Variants in FAM227B observed in about 807,000 individuals in gnomAD.
The protein encoded by FAM227B is family with sequence similarity 227 member B, also known as protein FAM227B.
A neutral mutation model predicts 73.8 loss-of-function variants in FAM227B; 88 were observed. That is an observed-to-expected ratio of 1.19 (90% CI 1.00 to 1.42). FAM227B has a LOEUF of 1.42. Ranked by LOEUF, FAM227B falls within the 40% of genes most tolerant of loss-of-function variation. The pLI is 0.00. For missense variants in FAM227B, 632 were observed against 590.9 expected, an observed-to-expected ratio of 1.07 and a Z score of -0.72; for synonymous variants, 210 against 190.5, an observed-to-expected ratio of 1.10 and a Z score of -0.84.
chr15:49,433,244 A>C (rs1266763071), intron 11 of FAM227B, among the ~76,000 whole-genome samples: 3 of 151,750 alleles, frequency 2.0e-5, no homozygotes, highest in African/African-American at 7.2e-5. Flanking sequence ...TGTGTACAGC[A>C]CATCTGCCTT....
intron 11 of FAM227B, among the ~76,000 whole-genome samples, chr15:49,447,006 C>A (rs1205760660): frequency 1.3e-5 from 2 of 151,476 alleles, no homozygotes; most frequent in Non-Finnish European, 3.0e-5. Flanking sequence ...AGAACACTCA[C>A]TGGAATTTGG....
At chr15:49,431,721 G>A (rs1406540913) in intron 11 of FAM227B, among the ~76,000 whole-genome samples, 3 of 151,670 alleles carry the variant, frequency 2.0e-5, no homozygotes, top group African/African-American at 7.2e-5. Context: ...AAGAGCAAAA[G>A]AGAAAAGGAA....
chr15:49,418,494 A>G (rs2049370215), intron 11 of FAM227B, among the ~76,000 whole-genome samples: 1 of 152,170 alleles, frequency 6.6e-6, no homozygotes, highest in South Asian at 2.1e-4. Flanking sequence ...TGTCCTTTGC[A>G]GGAACGTGGA....
intron 9 of FAM227B, among the ~76,000 whole-genome samples, chr15:49,548,589 A>C (rs1160536148): frequency 6.6e-6 from 1 of 152,094 alleles, no homozygotes; most frequent in Non-Finnish European, 1.5e-5. Flanking sequence ...AAATAGTTTG[A>C]GTAGAATTGG....
intron 11 of FAM227B, among the ~76,000 whole-genome samples, chr15:49,385,942 GAA>G (rs1454138122): frequency 6.6e-6 from 1 of 151,806 alleles, no homozygotes; most frequent in East Asian, 1.9e-4. Flanking sequence ...AATTCAACAA[GAA>G]GAGATTACAA....
chr15:49,550,508 G>A (rs1216321483), intron 9 of FAM227B, among the ~76,000 whole-genome samples: 1 of 150,884 alleles, frequency 6.6e-6, no homozygotes, highest in Non-Finnish European at 1.5e-5. Context: ...CAGGCGGAGG[G>A]GCTCCTCACT....
chr15:49,613,753 C>T (rs987330605), intron 2 of FAM227B, among the ~76,000 whole-genome samples: 3 of 151,638 alleles, frequency 2.0e-5, no homozygotes, highest in Non-Finnish European at 2.9e-5. Flanking sequence ...TATATATATA[C>T]TTATGATGTA....
intron 10 of FAM227B, among the ~76,000 whole-genome samples, chr15:49,535,064 G>A (rs1344728112): frequency 6.6e-6 from 1 of 151,470 alleles, no homozygotes; most frequent in Non-Finnish European, 1.5e-5. Context: ...AAAGTTAGCA[G>A]AAGGAAGGAA....
chr15:49,372,865 A>G (rs981612), intron 11 of FAM227B, among the ~76,000 whole-genome samples: 63,946 of 151,892 alleles, frequency 0.42, 13,624 homozygotes, highest in African/African-American at 0.45. Flanking sequence ...GACATTAGAC[A>G]TTAGGAAATA....
intron 6 of FAM227B, 51 bp from the exon 7 acceptor site, chr15:49,576,896 A>G (rs947314899): frequency 9.8e-7 from 1 of 1,019,024 alleles, no homozygotes; most frequent in Non-Finnish European, 1.5e-6. Flanking sequence ...TCTTCTCACT[A>G]TAGTAGACTC....
rs192686905 is a variant in FAM227B, at chr15:49,498,996, C to T, written c.1012+9215G>A. ...CCCGGCTAAAACGGTGAAACCCCGT[C>T]TCTACTAAAAATACAAAAAATTAGC... On this transcript the variant is annotated intron_variant, in intron 11 of 15. Coordinates refer to ENST00000299338, the MANE Select transcript of FAM227B (RefSeq NM_152647.3). 5.7e-3 allele frequency among the ~76,000 whole-genome samples: 865 copies of T among 151,214 alleles called. 10 individuals carry two copies. The highest frequency in any genetic ancestry group is 0.02 in the African/African-American group (830 of 41,254).
intron 11 of FAM227B, among the ~76,000 whole-genome samples, chr15:49,450,023 G>C (rs1010839023): frequency 6.6e-6 from 1 of 152,058 alleles, no homozygotes; most frequent in Admixed American, 6.6e-5. Context: ...GGTTGCATGA[G>C]CCCGTAAGGA....
chr15:49,421,654 T>C (rs542712623), intron 11 of FAM227B, among the ~76,000 whole-genome samples: 1 of 152,344 alleles, frequency 6.6e-6, no homozygotes, highest in East Asian at 1.9e-4. Flanking sequence ...ATGGAACAAA[T>C]GGATTTAGTA....
At chr15:49,444,525 C>A (rs1264308511) in intron 11 of FAM227B, among the ~76,000 whole-genome samples, 1 of 151,584 alleles carries the variant, frequency 6.6e-6, no homozygotes, top group Non-Finnish European at 1.5e-5. Context: ...GATTGTAGTA[C>A]GTGGGTCTAA....
At position 49,508,583 on chromosome 15, in the gene FAM227B, G is replaced by A. The variant is rs182675507; in HGVS notation, c.875-235C>T. Among the ~76,000 whole-genome samples, 610 of 152,030 alleles carry A rather than the reference G, an allele frequency of 4.0e-3. 2 individuals carry two copies. Among genetic ancestry groups the A allele is most frequent in the Middle Eastern group, 6.8e-3 (2 of 294 alleles). ...ATTATTTTGAAATATATGTTACAGTGTTGGTAAATGGGAAAGTATGACACA... is the reference window on the plus strand; with the variant it reads ...ATTATTTTGAAATATATGTTACAGTATTGGTAAATGGGAAAGTATGACACA... On this transcript the variant is annotated intron_variant, in intron 10 of 15. Coordinates refer to ENST00000299338, the MANE Select transcript of FAM227B (RefSeq NM_152647.3).
At chr15:49,415,054 A>G (rs1275239049) in intron 11 of FAM227B, among the ~76,000 whole-genome samples, 2 of 152,090 alleles carry the variant, frequency 1.3e-5, no homozygotes, top group East Asian at 3.9e-4. Flanking sequence ...CTTCTTTACT[A>G]TCATAATTAC....
chr15:49,538,540 G>A (rs901258040), intron 10 of FAM227B, among the ~76,000 whole-genome samples: 12 of 152,296 alleles, frequency 7.9e-5, no homozygotes, highest in African/African-American at 2.6e-4. Context: ...GCTCCAGTGG[G>A]TCAAGGCTTC....
rs189317586 is a variant in FAM227B at position 49,595,552 on chromosome 15, C to T, written c.106-5545G>A. ...TCAGAAGGAATGTTTTAAACATTTCCCTGTTCAGTATAATGTTGGCTGTGG... is the reference window on the plus strand; with the variant it reads ...TCAGAAGGAATGTTTTAAACATTTCTCTGTTCAGTATAATGTTGGCTGTGG... On this transcript the variant is annotated intron_variant, in intron 3 of 15. Coordinates refer to ENST00000299338, the MANE Select transcript of FAM227B (RefSeq NM_152647.3). Among the ~76,000 whole-genome samples the T allele has an allele frequency of 4.6e-5, 7 of 151,194 alleles. No homozygotes were observed. The East Asian group carries it at 1.4e-3, about 29-fold the overall frequency.
At chr15:49,423,519 G>C (rs2049868093) in intron 11 of FAM227B, 1 of 152,168 alleles carries the variant, frequency 6.6e-6, no homozygotes. Flanking sequence ...TTTTAGTACT[G>C]AGCAGGAAAG....
Sources: gnomAD v4.1 joint callset for allele counts (sites outside exome capture counted in the v4.1 genomes callset) on GRCh38, gnomAD v4.1.1 for gene constraint, MANE v1.5 for transcripts, NCBI Gene and HGNC (gene_info 2026-07-23, HGNC 2026-07-21) for gene names.